The following SLC4A7 variants were observed in gnomAD, a reference collection of about 807,000 sequenced individuals.
The protein encoded by SLC4A7 is sodium bicarbonate cotransporter 3.
SLC4A7 carries 51 observed loss-of-function variants against 137.6 expected under a neutral mutation model. That is an observed-to-expected ratio of 0.37 (90% confidence interval 0.30 to 0.47). The LOEUF (loss-of-function observed/expected upper bound fraction) is 0.47. Ranked by LOEUF, SLC4A7 falls within the 20% of genes least tolerant of loss-of-function variation. The pLI is 1.00. For synonymous variants in SLC4A7, 542 were observed against 518.6 expected (o/e 1.05, Z -0.61); for missense variants, 1,247 against 1,525.4 (o/e 0.82, Z 3.04).
intron 14 of SLC4A7, among the ~76,000 whole-genome samples, chr3:27,403,908 C>A (rs1245078852): frequency 1.3e-5 from 2 of 152,184 alleles, no homozygotes; most frequent in Admixed American, 1.3e-4. Flanking sequence ...AGAATCTATA[C>A]TTCGGGTCAC....
intron 11 of SLC4A7, among the ~76,000 whole-genome samples, chr3:27,413,639 G>T (rs1273551257): frequency 6.6e-6 from 1 of 152,046 alleles, no homozygotes; most frequent in Non-Finnish European, 1.5e-5. Flanking sequence ...TGCTGAAAAG[G>T]CATTTGATAA....
intron 1 of SLC4A7, among the ~76,000 whole-genome samples, chr3:27,466,439 G>C (rs2059000703): frequency 1.4e-5 from 2 of 142,882 alleles, no homozygotes; most frequent in African/African-American, 2.6e-5. Flanking sequence ...GCGACAGCGA[G>C]ACTCCGTCTC....
In SLC4A7 at chr3:27,379,298, C is replaced by G. The variant is rs759144295; in HGVS notation, c.3649G>C (p.Ala1217Pro). 1 of 1,535,688 alleles carries G rather than the reference C, an allele frequency of 6.5e-7. No individual in the cohort carries two copies. The highest frequency in any genetic ancestry group is 8.7e-7 in the Non-Finnish European group (1 of 1,146,404). Residue 1217 changes from alanine to proline, a missense_variant, in exon 25 of 26, where the codon GCA (alanine) becomes CCA (proline). Transcript: ENST00000454389. ...DEMAKTAQWK[A>P]LSMNTENAKV... ...GCATTCTCAGTATTCATGGAAAGTG[C>G]CTTCCACTGTGCAGTTTTGGCCATT...
chr3:27,446,124 G>A (rs200656352), intron 3 of SLC4A7, among the ~76,000 whole-genome samples: 43,813 of 149,612 alleles, frequency 0.29, 8,120 homozygotes, highest in East Asian at 0.74. Flanking sequence ...CTATGTGTGT[G>A]TGTATATATA....
intron 5 of SLC4A7, among the ~76,000 whole-genome samples, chr3:27,434,334 T>C (rs901996987): frequency 6.6e-6 from 1 of 152,176 alleles, no homozygotes; most frequent in African/African-American, 2.4e-5. Context: ...GCTACTATTA[T>C]ATACTAATAG....
In SLC4A7 at chr3:27,376,161, A is replaced by G. The variant is rs1485441430; in HGVS notation, c.*603T>C. 1 of 152,120 alleles carries G rather than the reference A, an allele frequency of 6.6e-6. No individual in the cohort carries two copies. The highest frequency in any genetic ancestry group is 2.4e-5 in the African/African-American group (1 of 41,446). 9.4% of individuals were successfully genotyped at this position (152,120 alleles called of 1,614,324 possible). A position where few individuals can be genotyped will look rare whatever the true frequency, so the allele number is the denominator to read the frequency against. The stretch of plus-strand genomic sequence containing the variant: ...AGATATGAAGGTTTTAAGATTTAAA[A>G]AAAATTTAAACATAAAAGTTAAAAA... On this transcript the variant is annotated 3_prime_UTR_variant, in exon 26 of 26. Transcript: ENST00000454389.
chr3:27,464,907 G>A (rs2058898724), intron 1 of SLC4A7, among the ~76,000 whole-genome samples: 2 of 152,166 alleles, frequency 1.3e-5, no homozygotes, highest in African/African-American at 4.8e-5. Context: ...TGGACAGCCT[G>A]TTAGCCAGGA....
intron 13 of SLC4A7, among the ~76,000 whole-genome samples, chr3:27,407,460 C>T (rs2053491755): frequency 6.8e-6 from 1 of 147,610 alleles, no homozygotes; most frequent in African/African-American, 2.5e-5. Context: ...AGCCTGGTGA[C>T]GGAGCGAGAC....
chr3:27,438,979 A>G (rs2056979060), intron 3 of SLC4A7, among the ~76,000 whole-genome samples: 1 of 152,208 alleles, frequency 6.6e-6, no homozygotes, highest in African/African-American at 2.4e-5. Context: ...CCCGAAACAG[A>G]TGAATTAGCA....
chr3:27,425,287 T>C (rs990721371), intron 7 of SLC4A7, among the ~76,000 whole-genome samples: 1 of 148,136 alleles, frequency 6.8e-6, no homozygotes, highest in Non-Finnish European at 1.5e-5. Context: ...GGAGAATCGA[T>C]TGAACCCAGG....
intron 1 of SLC4A7, among the ~76,000 whole-genome samples, chr3:27,474,944 C>T (rs913998309): frequency 2.6e-5 from 4 of 151,916 alleles, no homozygotes; most frequent in African/African-American, 9.7e-5. Context: ...CCCATCTCTA[C>T]TACAAACACA....
chr3:27,381,797 A>G (rs1439575036), intron 24 of SLC4A7, among the ~76,000 whole-genome samples: 2 of 152,192 alleles, frequency 1.3e-5, no homozygotes, highest in Non-Finnish European at 2.9e-5. Flanking sequence ...ATGTGTAGAA[A>G]TAGGAGGGCC....
At chr3:27,388,967 T>C (rs1456888110) in intron 22 of SLC4A7, among the ~76,000 whole-genome samples, 1 of 152,174 alleles carries the variant, frequency 6.6e-6, no homozygotes, top group Admixed American at 6.5e-5. Flanking sequence ...GCAAGTGTTA[T>C]TTTCATCAAG....
At chr3:27,465,081 T>C (rs1301749040) in intron 1 of SLC4A7, among the ~76,000 whole-genome samples, 2 of 152,044 alleles carry the variant, frequency 1.3e-5, no homozygotes, top group African/African-American at 2.4e-5. Context: ...GCGGATTGCC[T>C]GAGCTCTGGG....
intron 1 of SLC4A7, among the ~76,000 whole-genome samples, chr3:27,454,380 C>A (rs981892275): frequency 6.6e-6 from 1 of 152,116 alleles, no homozygotes; most frequent in African/African-American, 2.4e-5. Flanking sequence ...GCAGCAGAAT[C>A]GCTTGAACCC....
rs2050899887 is a variant in SLC4A7 at position 27,385,968 on chromosome 3, T to C, written c.3416A>G (p.Glu1139Gly). The C allele has an allele frequency of 2.5e-6, 4 of 1,608,746 alleles. No individual in the cohort carries two copies. The East Asian group carries it at 8.9e-5, about 36-fold the overall frequency. Residue 1139 changes from glutamate to glycine, a missense_variant, in exon 23 of 26, where the codon GAA becomes GGA. Around this residue, in one of 6 missense-constraint regions of SLC4A7, gnomAD observed 290 missense variants for 323.8 expected, o/e 0.90. Transcript: ENST00000454389. ...CATAAGATCATCAAGCCAACTAAGT[T>C]CTCTCTTCGTGAAACACAGGTCCAT... ...KLMDLCFTKRELSWLDDLMPE... is the reference protein window; with the variant it reads ...KLMDLCFTKRGLSWLDDLMPE...
intron 1 of SLC4A7, among the ~76,000 whole-genome samples, chr3:27,460,731 G>A (rs377556782): frequency 3.3e-5 from 5 of 152,168 alleles, no homozygotes; most frequent in Admixed American, 2.0e-4. Flanking sequence ...ACCTTTTCAT[G>A]TTCAAAAATC....
At chr3:27,438,009 C>T (rs2056874948) in intron 3 of SLC4A7, among the ~76,000 whole-genome samples, 1 of 152,094 alleles carries the variant, frequency 6.6e-6, no homozygotes, top group Non-Finnish European at 1.5e-5. Flanking sequence ...CCAGCCTAGC[C>T]AACATGGTGA....
intron 1 of SLC4A7, among the ~76,000 whole-genome samples, chr3:27,467,911 T>A (rs557487094): frequency 6.6e-6 from 1 of 152,314 alleles, no homozygotes; most frequent in South Asian, 2.1e-4. Context: ...AGAAAAAAAT[T>A]ATCAAGGCAA....
Sources: gnomAD v4.1 joint callset for allele counts (sites outside exome capture counted in the v4.1 genomes callset) on GRCh38, gnomAD v4.1.1 for gene constraint, gnomAD v4.1.1 regional missense constraint, MANE v1.5 for transcripts, NCBI Gene and HGNC (gene_info 2026-07-23, HGNC 2026-07-21) for gene names.